Variants in FGFR2 observed in about 807,000 individuals in gnomAD.
The protein encoded by FGFR2 is BEK fibroblast growth factor receptor.
FGFR2 carries 19 observed loss-of-function variants against 95.9 expected under a neutral mutation model. The ratio of observed to expected loss-of-function variants is 0.20; its 90% confidence interval spans 0.14 to 0.29. The LOEUF is 0.29. Ranked by LOEUF, FGFR2 falls within the 10% of genes least tolerant of loss-of-function variation. The probability of loss-of-function intolerance (pLI) is 1.00; values close to 1 mark genes in which losing one functional copy is unlikely to be tolerated. For missense variants in FGFR2, 707 were observed against 1,056.9 expected, an observed-to-expected ratio of 0.67 and a Z score of 4.59; for synonymous variants, 392 against 393.3, an observed-to-expected ratio of 1.00 and a Z score of 0.04.
In FGFR2 at chr10:121,517,925, GC is replaced by G; in HGVS notation, c.940-463del. 2.7e-6 allele frequency: 1 copy of G among 371,044 alleles called. No homozygotes were observed. The allele number at this position is 371,044 out of a possible 1,614,324, so 23.0% of individuals were successfully genotyped here. A position where few individuals can be genotyped will look rare whatever the true frequency, so the allele number is the denominator to read the frequency against. On this transcript the variant is annotated intron_variant, in intron 7 of 17. Coordinates refer to ENST00000358487, the MANE Select transcript of FGFR2 (RefSeq NM_000141.5). This position sits in a 1 kb window ranked among gnomAD's most constrained non-coding sequence, Gnocchi z 4.7. ...GATGGACACCTCACCCATCCTCCTG[GC>G]CCTGTGGGAACCAATTGGGGTGGAA... is the stretch of plus-strand genomic sequence containing the variant.
intron 10 of FGFR2, among the ~76,000 whole-genome samples, chr10:121,503,326 C>A (rs1194115780): frequency 6.6e-6 from 1 of 152,174 alleles, no homozygotes; most frequent in African/African-American, 2.4e-5. Flanking sequence ...AGCTTTTCAG[C>A]CCAATATGAC....
At chr10:121,556,004 T>C (rs1490492804) in intron 4 of FGFR2, among the ~76,000 whole-genome samples, 1 of 152,146 alleles carries the variant, frequency 6.6e-6, no homozygotes, top group Non-Finnish European at 1.5e-5. Flanking sequence ...GTCTCTGTAC[T>C]GAAAAATACT....
intron 2 of FGFR2, among the ~76,000 whole-genome samples, chr10:121,576,261 T>C (rs1247848139): frequency 2.0e-5 from 3 of 152,216 alleles, no homozygotes; most frequent in African/African-American, 7.2e-5. Flanking sequence ...CATTAGATCA[T>C]GTAGCGCCCA....
chr10:121,518,615 C>T lies in FGFR2; in HGVS notation c.940-1152G>A, dbSNP rs1850021328. ...AAGCTGCCTGCAGTCTCCCAAAGCACCAAGTCTTTTCAGCTTCTATATCCA... is the reference window on the plus strand; with the variant it reads ...AAGCTGCCTGCAGTCTCCCAAAGCATCAAGTCTTTTCAGCTTCTATATCCA... On this transcript the variant is annotated intron_variant, in intron 7 of 17. Transcript: ENST00000358487. This position sits in a 1 kb window ranked among gnomAD's most constrained non-coding sequence, Gnocchi z 4.0. 6.3e-7 allele frequency: 1 copy of T among 1,595,472 alleles called. No individual in the cohort carries two copies. Among genetic ancestry groups the T allele is most frequent in the South Asian group, 1.1e-5 (1 of 90,022 alleles).
intron 2 of FGFR2, chr10:121,583,574 T>C (rs1459299079): frequency 5.9e-5 from 9 of 152,704 alleles, no homozygotes; most frequent in Non-Finnish European, 1.5e-5. Flanking sequence ...CAGAAGCCAT[T>C]CTAGAAGAAT....
At position 121,531,098 on chromosome 10, in the gene FGFR2, A is replaced by G. The variant is rs1289585944; in HGVS notation, c.748+7494T>C. Among the ~76,000 whole-genome samples, 1 of 152,190 alleles carries G rather than the reference A, an allele frequency of 6.6e-6. No homozygotes were observed. The highest frequency in any genetic ancestry group is 2.4e-5 in the African/African-American group (1 of 41,452). On this transcript the variant is annotated intron_variant, in intron 6 of 17. Coordinates refer to ENST00000358487, the MANE Select transcript of FGFR2 (RefSeq NM_000141.5). The surrounding 1 kb of genome is among the most constrained non-coding windows in gnomAD (Gnocchi z 4.5). The stretch of plus-strand genomic sequence containing the variant: ...CCACCTCACCCAGGCCCCCTGCAAG[A>G]ATCGAAAGCAATCAATAAGGCTTCC...
chr10:121,487,509 A>C, intron 14 of FGFR2, 85 bp from the exon 15 acceptor site: 1 of 1,134,230 alleles, frequency 8.8e-7, no homozygotes, highest in South Asian at 1.3e-5. Flanking sequence ...GCCCTGTTTA[A>C]GAGCTGATAT....
intron 17 of FGFR2, chr10:121,481,731 A>T (rs1036450459): frequency 1.0e-4 from 23 of 228,538 alleles, no homozygotes; most frequent in African/African-American, 5.1e-4. Flanking sequence ...TTCAGTATCA[A>T]CGGACCCACT....
chr10:121,542,693 A>T (rs1470097198), intron 5 of FGFR2, among the ~76,000 whole-genome samples: 1 of 152,290 alleles, frequency 6.6e-6, no homozygotes, highest in East Asian at 1.9e-4. Context: ...AATGGCCTAA[A>T]CTCCCAAGTA....
chr10:121,550,475 G>A (rs1855216070), intron 5 of FGFR2, among the ~76,000 whole-genome samples: 2 of 152,142 alleles, frequency 1.3e-5, no homozygotes, highest in Admixed American at 6.5e-5. Flanking sequence ...AACTCCCTAG[G>A]GAGTGATGAG....
intron 5 of FGFR2, among the ~76,000 whole-genome samples, chr10:121,548,611 C>A (rs555825967): frequency 6.6e-6 from 1 of 152,112 alleles, no homozygotes; most frequent in Non-Finnish European, 1.5e-5. Flanking sequence ...ATAATGATGT[C>A]GGTTCCATTT....
chr10:121,561,425 CAAA>C (rs58049520), intron 4 of FGFR2, among the ~76,000 whole-genome samples: 2 of 66,280 alleles, frequency 3.0e-5, no homozygotes, highest in Non-Finnish European at 3.6e-5. Flanking sequence ...ACTCCCATCT[CAAA>C]AAAAAAAAAA....
At chr10:121,486,915 T>A (rs545967655) in intron 15 of FGFR2, among the ~76,000 whole-genome samples, 2 of 152,134 alleles carry the variant, frequency 1.3e-5, no homozygotes, top group East Asian at 1.9e-4. Context: ...CCTGTGGAGG[T>A]CCCCAGCCTG....
In FGFR2 at chr10:121,503,930, C is replaced by G. The variant is rs1045429276; in HGVS notation, c.1299G>C (p.Glu433Asp). The change falls in exon 10 of 18, where the codon GAG becomes GAC. Residue 433 changes from glutamate to aspartate, a missense_variant. Physicochemically the swap from Glu to Asp is conservative, Grantham distance 45 (BLOSUM62 2). Around this residue, in one of 7 missense-constraint regions of FGFR2, gnomAD observed 194 missense variants for 267.3 expected, o/e 0.73. Coordinates refer to ENST00000358487, the MANE Select transcript of FGFR2 (RefSeq NM_000141.5). ...PLRRQVTVSA[E>D]SSSSMNSNTP... ...TGTTGGAGTTCATGGAGGAGCTGGA[C>G]TCAGCCGAAACCTGGATACAAAATG... 6.2e-7 allele frequency: 1 copy of G among 1,614,110 alleles called. No homozygotes were observed. Among genetic ancestry groups the G allele is most frequent in the African/African-American group, 1.3e-5 (1 of 75,044 alleles).
At position 121,485,867 on chromosome 10, in the gene FGFR2, T is replaced by C. The variant is rs1327116546; in HGVS notation, c.2058-335A>G. On this transcript the variant is annotated intron_variant, in intron 15 of 17. Transcript: ENST00000358487. The surrounding 1 kb of genome is among the most constrained non-coding windows in gnomAD (Gnocchi z 4.2). ...TTACGCTCCTTTCCAACTCCTTATG[T>C]GCCTGACCCAAGGGTTGTGATCTAC... is the stretch of plus-strand genomic sequence containing the variant. Among the ~76,000 whole-genome samples the C allele has an allele frequency of 3.9e-5, 6 of 152,218 alleles. No individual in the cohort carries two copies. Among genetic ancestry groups the C allele is most frequent in the Admixed American group, 3.9e-4 (6 of 15,284 alleles).
chr10:121,531,684 A>G lies in FGFR2; in HGVS notation c.748+6908T>C, dbSNP rs962466229. On this transcript the variant is annotated intron_variant, in intron 6 of 17. Coordinates refer to ENST00000358487, the MANE Select transcript of FGFR2 (RefSeq NM_000141.5). This position sits in a 1 kb window ranked among gnomAD's most constrained non-coding sequence, Gnocchi z 4.5. ...ATCACCCCATTTTACAGGCAAGGAA[A>G]CTGAGGCTCAGAGGTTCCATGCCTT... Among the ~76,000 whole-genome samples, 3 of 152,122 alleles carry G rather than the reference A, an allele frequency of 2.0e-5. No homozygotes were observed. Among genetic ancestry groups the G allele is most frequent in the African/African-American group, 7.2e-5 (3 of 41,424 alleles).
intron 4 of FGFR2, 59 bp downstream of exon 4, chr10:121,564,443 G>T: frequency 6.7e-7 from 1 of 1,489,760 alleles, no homozygotes; most frequent in Non-Finnish European, 9.4e-7. Flanking sequence ...ACAGGTGACA[G>T]GCAGAACTTC....
intron 2 of FGFR2, among the ~76,000 whole-genome samples, chr10:121,568,523 C>G (rs1488190407): frequency 6.6e-6 from 1 of 152,042 alleles, no homozygotes; most frequent in African/African-American, 2.4e-5. Flanking sequence ...AGGGAAGGCA[C>G]CTGGGACCCA....
chr10:121,488,020 TG>T lies in FGFR2; in HGVS notation c.1956del (p.Asn652LysfsTer3). 6.2e-7 allele frequency: 1 copy of T among 1,614,196 alleles called. No individual in the cohort carries two copies. Among genetic ancestry groups the T allele is most frequent in the South Asian group, 1.1e-5 (1 of 91,084 alleles). ...IADFGLARDI[N>X]NIDYYKKTTN... ...GTGGTCTTTTTGTAATAGTCTATAT[TG>T]TTGATATCTCTGGCGAGTCCAAAGT... On this transcript the variant is annotated frameshift_variant, in exon 14 of 18. Transcript: ENST00000358487. LOFTEE classifies it high-confidence loss of function.
Sources: gnomAD v4.1 joint callset for allele counts (sites outside exome capture counted in the v4.1 genomes callset) on GRCh38, gnomAD v4.1.1 for gene constraint, gnomAD v4.1.1 regional missense constraint, Gnocchi (gnomAD v3.1) non-coding constraint, MANE v1.5 for transcripts, NCBI Gene and HGNC (gene_info 2026-07-23, HGNC 2026-07-21) for gene names.